Variants in ABCB1 observed in about 807,000 individuals in gnomAD.
ABCB1 encodes ATP-dependent translocase ABCB1.
A neutral mutation model predicts 142.0 loss-of-function variants in ABCB1; 69 were observed. The ratio of observed to expected loss-of-function variants is 0.49; its 90% CI spans 0.40 to 0.59. The LOEUF (loss-of-function observed/expected upper bound fraction) is 0.59. Ranked by LOEUF, ABCB1 falls within the 20% of genes least tolerant of loss-of-function variation. ABCB1 has a pLI of 0.00. For synonymous variants in ABCB1, 532 were observed against 539.2 expected (o/e 0.99, Z 0.18); for missense variants, 1,326 against 1,554.7 (o/e 0.85, Z 2.47).
intron 1 of ABCB1, among the ~76,000 whole-genome samples, chr7:87,687,598 G>A (rs1340126202): frequency 6.6e-6 from 1 of 152,152 alleles, no homozygotes; most frequent in African/African-American, 2.4e-5. Context: ...CTAGAGCAGT[G>A]CCTACGATAT....
intron 23 of ABCB1, among the ~76,000 whole-genome samples, chr7:87,517,344 T>C (rs576084737): frequency 6.6e-6 from 1 of 150,696 alleles, no homozygotes; most frequent in South Asian, 2.1e-4. Flanking sequence ...TGAGCATGCA[T>C]GCATGTGTTC....
chr7:87,588,386 A>G (rs1563065397), intron 3 of ABCB1, among the ~76,000 whole-genome samples: 1 of 152,068 alleles, frequency 6.6e-6, no homozygotes, highest in Non-Finnish European at 1.5e-5. Context: ...CTAGGTGTCC[A>G]TGTGTTCTCA....
intron 14 of ABCB1, among the ~76,000 whole-genome samples, chr7:87,548,042 A>C (rs1294542769): frequency 6.8e-6 from 1 of 146,840 alleles, no homozygotes; most frequent in Non-Finnish European, 1.5e-5. Flanking sequence ...AGATAAGATA[A>C]GAAAAGAAAA....
At chr7:87,621,717 T>C (rs796844155) in intron 1 of ABCB1, among the ~76,000 whole-genome samples, 95 of 152,212 alleles carry the variant, frequency 6.2e-4, no homozygotes, top group African/African-American at 2.2e-3. Context: ...ATTGACTGTG[T>C]GTAGAATAAA....
chr7:87,669,394 A>G (rs990391909), intron 1 of ABCB1, among the ~76,000 whole-genome samples: 5 of 152,132 alleles, frequency 3.3e-5, no homozygotes, highest in African/African-American at 1.2e-4. Context: ...GGTCTCTTGA[A>G]CACAGCATAC....
chr7:87,701,757 T>A (rs1275566969), intron 1 of ABCB1, among the ~76,000 whole-genome samples: 1 of 152,148 alleles, frequency 6.6e-6, no homozygotes, highest in Non-Finnish European at 1.5e-5. Flanking sequence ...CTTCATATAC[T>A]TCAACCAAAA....
At chr7:87,637,205 C>T (rs1191365801) in intron 1 of ABCB1, among the ~76,000 whole-genome samples, 1 of 152,204 alleles carries the variant, frequency 6.6e-6, no homozygotes, top group Non-Finnish European at 1.5e-5. Context: ...TTCTCCACTA[C>T]ACTCATGCAT....
intron 21 of ABCB1, among the ~76,000 whole-genome samples, chr7:87,528,661 T>C (rs562483545): frequency 3.3e-5 from 5 of 152,168 alleles, no homozygotes; most frequent in East Asian, 1.9e-4. Flanking sequence ...GGTTTTGACA[T>C]CATGCAGTCA....
chr7:87,669,540 G>A (rs1048253506), intron 1 of ABCB1, among the ~76,000 whole-genome samples: 19 of 152,044 alleles, frequency 1.2e-4, no homozygotes, highest in African/African-American at 4.6e-4. Flanking sequence ...TATTATGTTG[G>A]CTTTTTCTGT....
At chr7:87,671,449 G>A (rs939015877) in intron 1 of ABCB1, among the ~76,000 whole-genome samples, 1 of 152,134 alleles carries the variant, frequency 6.6e-6, no homozygotes, top group Non-Finnish European at 1.5e-5. Context: ...CTGAGAATGG[G>A]CACCTACTTA....
chr7:87,699,928 T>C (rs1328445092), intron 1 of ABCB1, among the ~76,000 whole-genome samples: 2 of 152,310 alleles, frequency 1.3e-5, no homozygotes, highest in Non-Finnish European at 2.9e-5. Flanking sequence ...TATTTATTTA[T>C]AAAGTAAACA....
chr7:87,568,264 A>AATAATAATAATAATAATAAT (rs1490500459), intron 5 of ABCB1, among the ~76,000 whole-genome samples: 8 of 135,658 alleles, frequency 5.9e-5, no homozygotes, highest in African/African-American at 2.4e-4. Flanking sequence ...TAATAATAAT[A>AATAATAATAATAATAATAAT]ATAAAAATTA....
At chr7:87,529,954 C>T (rs28401771) in intron 21 of ABCB1, among the ~76,000 whole-genome samples, 8 of 152,318 alleles carry the variant, frequency 5.3e-5, no homozygotes, top group African/African-American at 4.8e-5. Context: ...TAGGATGCCT[C>T]GCATGAGGTT....
chr7:87,623,749 G>GT (rs1335394368), intron 1 of ABCB1, among the ~76,000 whole-genome samples: 17 of 150,412 alleles, frequency 1.1e-4, no homozygotes, highest in South Asian at 6.3e-4. Flanking sequence ...GCTTCTGATA[G>GT]TTTTTTTTTC....
intron 1 of ABCB1, among the ~76,000 whole-genome samples, chr7:87,634,210 A>T (rs926552571): frequency 1.3e-5 from 2 of 152,138 alleles, no homozygotes; most frequent in Non-Finnish European, 2.9e-5. Context: ...TGATTAGCCA[A>T]ATACTTCCTG....
chr7:87,685,942 A>G (rs1296995470), intron 1 of ABCB1, among the ~76,000 whole-genome samples: 2 of 152,270 alleles, frequency 1.3e-5, no homozygotes, highest in Admixed American at 6.5e-5. Flanking sequence ...AAGCTGGACA[A>G]TTTGTCACAG....
chr7:87,636,419 C>A (rs1821780865), intron 1 of ABCB1, among the ~76,000 whole-genome samples: 1 of 152,102 alleles, frequency 6.6e-6, no homozygotes, highest in Non-Finnish European at 1.5e-5. Flanking sequence ...GGAATCTCTG[C>A]TTTTTGTTTA....
intron 1 of ABCB1, among the ~76,000 whole-genome samples, chr7:87,625,362 T>G (rs1352846118): frequency 6.6e-6 from 1 of 152,176 alleles, no homozygotes; most frequent in Non-Finnish European, 1.5e-5. Context: ...CATGAACATG[T>G]ACTGGAGGCT....
rs370846240 is a variant in ABCB1, at chr7:87,664,890, C to T, written c.-331+48271G>A. On this transcript the variant is annotated intron_variant, in intron 1 of 28. Transcript: ENST00000265724. ...TCAAGAAGCTTAGCAAAGCATTTCA[C>T]AAAATTTAACATCCTTTCTTAATAA... is the stretch of plus-strand genomic sequence containing the variant. Among the ~76,000 whole-genome samples, 3 of 152,068 alleles carry T rather than the reference C, an allele frequency of 2.0e-5. No homozygotes were observed. The South Asian group carries it at 6.2e-4, about 32-fold the overall frequency.
Sources: gnomAD v4.1 joint callset for allele counts (sites outside exome capture counted in the v4.1 genomes callset) on GRCh38, gnomAD v4.1.1 for gene constraint, MANE v1.5 for transcripts, NCBI Gene and HGNC (gene_info 2026-07-23, HGNC 2026-07-21) for gene names.